Variants in SEMA3A observed in about 807,000 individuals in gnomAD.
SEMA3A encodes semaphorin-3A.
Under a neutral mutation model 97.9 loss-of-function variants are expected in SEMA3A, and 29 were observed. That is an observed-to-expected ratio of 0.30 (90% CI 0.22 to 0.40). The LOEUF (loss-of-function observed/expected upper bound fraction) is 0.40. Ranked by LOEUF, SEMA3A falls within the 10% of genes least tolerant of loss-of-function variation. The probability of loss-of-function intolerance (pLI) is 1.00; values close to 1 mark genes in which losing one functional copy is unlikely to be tolerated. For missense variants in SEMA3A, 763 were observed against 951.3 expected (o/e 0.80, Z 2.60); for synonymous variants, 321 against 323.7 (o/e 0.99, Z 0.09).
intron 1 of SEMA3A, among the ~76,000 whole-genome samples, chr7:84,402,410 T>C (rs1237649377): frequency 1.3e-5 from 2 of 152,150 alleles, no homozygotes; most frequent in Non-Finnish European, 2.9e-5. Context: ...TATAAATTAG[T>C]ACAGCCATTA....
At chr7:84,336,035 A>G (rs1802030535) in intron 2 of SEMA3A, among the ~76,000 whole-genome samples, 1 of 152,176 alleles carries the variant, frequency 6.6e-6, no homozygotes, top group Non-Finnish European at 1.5e-5. Flanking sequence ...AATATTGGAC[A>G]AGACAGGTCT....
At chr7:84,016,482 G>A (rs1298656586) in intron 6 of SEMA3A, among the ~76,000 whole-genome samples, 5 of 150,958 alleles carry the variant, frequency 3.3e-5, no homozygotes, top group African/African-American at 1.2e-4. Flanking sequence ...AGCTTGCAGT[G>A]AGCCGAGATC....
chr7:84,215,522 C>G (rs184426993), intron 3 of SEMA3A, among the ~76,000 whole-genome samples: 8 of 152,306 alleles, frequency 5.3e-5, no homozygotes, highest in Admixed American at 1.3e-4. Flanking sequence ...AGACTGTGCT[C>G]TCCCTGACAA....
intron 1 of SEMA3A, among the ~76,000 whole-genome samples, chr7:84,183,695 AT>A (rs1797796182): frequency 6.6e-6 from 1 of 152,130 alleles, no homozygotes; most frequent in African/African-American, 2.4e-5. Context: ...ATATGCTATC[AT>A]TTTGCACATT....
intron 1 of SEMA3A, among the ~76,000 whole-genome samples, chr7:84,169,594 A>G (rs1055947490): frequency 3.3e-5 from 5 of 150,434 alleles, no homozygotes; most frequent in Non-Finnish European, 7.4e-5. Flanking sequence ...TGAAACGTAG[A>G]TTCATAATAT....
At chr7:84,223,587 A>G (rs1251847233) in intron 3 of SEMA3A, among the ~76,000 whole-genome samples, 3 of 151,912 alleles carry the variant, frequency 2.0e-5, no homozygotes, top group African/African-American at 7.2e-5. Context: ...AACTCAATAT[A>G]CAGTGTGTTT....
chr7:84,080,559 C>A (rs1439916307), intron 4 of SEMA3A, among the ~76,000 whole-genome samples: 1 of 11,902 alleles, frequency 8.4e-5, no homozygotes, highest in Non-Finnish European at 1.4e-4. Context: ...GCTTATAATT[C>A]TTTTTTTTTT....
chr7:84,063,604 G>A (rs1233831915), intron 4 of SEMA3A, among the ~76,000 whole-genome samples: 2 of 151,242 alleles, frequency 1.3e-5, no homozygotes, highest in South Asian at 2.1e-4. Flanking sequence ...ACCAAGGCTC[G>A]AGAACTACAT....
chr7:84,285,636 T>G (rs1467705628), intron 3 of SEMA3A, among the ~76,000 whole-genome samples: 1 of 152,118 alleles, frequency 6.6e-6, no homozygotes, highest in African/African-American at 2.4e-5. Context: ...TTGGTTCTCA[T>G]AAGGGAAGTT....
intron 2 of SEMA3A, among the ~76,000 whole-genome samples, chr7:84,331,746 G>T (rs1309817832): frequency 6.6e-6 from 1 of 152,050 alleles, no homozygotes; most frequent in Admixed American, 6.6e-5. Context: ...TGGCATTTCA[G>T]CATTACAGCT....
chr7:84,292,267 AT>A (rs1800766616), intron 3 of SEMA3A, among the ~76,000 whole-genome samples: 1 of 152,012 alleles, frequency 6.6e-6, no homozygotes, highest in Admixed American at 6.6e-5. Context: ...ATGCTGCCTA[AT>A]TGTCAGTGCT....
chr7:84,116,582 A>G (rs887975994), intron 3 of SEMA3A, among the ~76,000 whole-genome samples: 3 of 152,150 alleles, frequency 2.0e-5, no homozygotes, highest in African/African-American at 7.2e-5. Flanking sequence ...TTTGGGGATT[A>G]GGGTCTTTAA....
chr7:84,027,616 C>G (rs954073658), intron 6 of SEMA3A, among the ~76,000 whole-genome samples: 17 of 152,116 alleles, frequency 1.1e-4, no homozygotes, highest in Non-Finnish European at 4.4e-5. Context: ...CTTTAGGATA[C>G]TTGGTTACTT....
intron 1 of SEMA3A, among the ~76,000 whole-genome samples, chr7:84,404,394 T>G (rs941921229): frequency 8.6e-5 from 13 of 151,736 alleles, no homozygotes; most frequent in African/African-American, 2.2e-4. Context: ...TGGGACTATG[T>G]GAAAAGACCA....
At chr7:84,358,868 T>C (rs1323194478) in intron 2 of SEMA3A, among the ~76,000 whole-genome samples, 1 of 152,120 alleles carries the variant, frequency 6.6e-6, no homozygotes, top group Admixed American at 6.5e-5. Context: ...TTGTAAGTTG[T>C]ATTCCTAGGT....
intron 1 of SEMA3A, among the ~76,000 whole-genome samples, chr7:84,382,970 AAACAT>A (rs1803305753): frequency 6.6e-6 from 1 of 152,174 alleles, no homozygotes; most frequent in Non-Finnish European, 1.5e-5. Flanking sequence ...AGATTACAAT[AAACAT>A]AATACTGGAT....
chr7:83,963,329 C>T lies in SEMA3A; in HGVS notation c.1736G>A (p.Ser579Asn), dbSNP rs748871344. 2 of 1,613,224 alleles carry T rather than the reference C, an allele frequency of 1.2e-6. No homozygotes were observed. The highest frequency in any genetic ancestry group is 2.2e-5 in the East Asian group (1 of 44,866). The change falls in exon 16 of 17, where the codon AGC (serine) becomes AAC (asparagine). Residue 579 changes from serine (S) to asparagine (N), a missense_variant. Around this residue, in one of 2 missense-constraint regions of SEMA3A, gnomAD observed 678 missense variants for 881.3 expected, o/e 0.77. Coordinates refer to ENST00000265362, the MANE Select transcript of SEMA3A (RefSeq NM_006080.3). ...DLHHDNHHGHSPEERIIYGVE... is the reference protein window; with the variant it reads ...DLHHDNHHGHNPEERIIYGVE... ...ACCATAGATGATTCTCTCTTCAGGG[C>T]TGTGGCCATGGTGATTATCTGGCCA...
chr7:84,255,356 G>A (rs928842316), intron 3 of SEMA3A, among the ~76,000 whole-genome samples: 3 of 151,986 alleles, frequency 2.0e-5, no homozygotes, highest in African/African-American at 7.2e-5. Flanking sequence ...AATTGAGATT[G>A]TCTTCATCCA....
At chr7:83,987,661 T>A (rs956018293) in intron 12 of SEMA3A, among the ~76,000 whole-genome samples, 5 of 152,210 alleles carry the variant, frequency 3.3e-5, no homozygotes, top group Admixed American at 3.3e-4. Context: ...CATATTTGCA[T>A]GAATGAATAA....
Sources: gnomAD v4.1 joint callset for allele counts (sites outside exome capture counted in the v4.1 genomes callset) on GRCh38, gnomAD v4.1.1 for gene constraint, gnomAD v4.1.1 regional missense constraint, MANE v1.5 for transcripts, NCBI Gene and HGNC (gene_info 2026-07-23, HGNC 2026-07-21) for gene names.